The following HSPA12A variants were observed in gnomAD, a reference collection of about 807,000 sequenced individuals.
HSPA12A encodes the protein heat shock protein family A (Hsp70) member 12A, also known as heat shock 70 kDa protein 12A.
HSPA12A carries 28 observed loss-of-function variants against 69.2 expected under a neutral mutation model. That is an observed-to-expected ratio of 0.40 (90% CI 0.30 to 0.55). HSPA12A has a LOEUF of 0.55. Among genes scored for constraint, HSPA12A ranks in the 20% least tolerant of loss-of-function variants. The probability of loss-of-function intolerance (pLI) is 0.38; values close to 1 mark genes in which losing one functional copy is unlikely to be tolerated. For synonymous variants in HSPA12A, 345 were observed against 370.5 expected, an observed-to-expected ratio of 0.93 and a Z score of 0.79; for missense variants, 686 against 900.7, an observed-to-expected ratio of 0.76 and a Z score of 3.05.
At chr10:116,813,795 A>T (rs184981446) in intron 2 of HSPA12A, among the ~76,000 whole-genome samples, 27 of 152,244 alleles carry the variant, frequency 1.8e-4, no homozygotes, top group African/African-American at 6.3e-4. Context: ...GAGGTAAGGG[A>T]ATCACTTGAC....
intron 1 of HSPA12A, among the ~76,000 whole-genome samples, chr10:116,736,088 A>G (rs1554886404): frequency 1.3e-5 from 2 of 152,222 alleles, no homozygotes; most frequent in African/African-American, 4.8e-5. Context: ...GTGACATTTT[A>G]TAGACATTTC....
At chr10:116,789,667 T>C (rs974867055) in intron 2 of HSPA12A, among the ~76,000 whole-genome samples, 3 of 152,162 alleles carry the variant, frequency 2.0e-5, no homozygotes, top group African/African-American at 7.2e-5. Context: ...TTCCTAGGCA[T>C]GGAATTGAGG....
At chr10:116,763,948 G>A (rs563169483) in intron 2 of HSPA12A, among the ~76,000 whole-genome samples, 1 of 152,208 alleles carries the variant, frequency 6.6e-6, no homozygotes, top group South Asian at 2.1e-4. Flanking sequence ...GGCGTTATTG[G>A]GGGGGCGGTC....
At chr10:116,791,469 G>A (rs1050393763) in intron 2 of HSPA12A, among the ~76,000 whole-genome samples, 5 of 152,136 alleles carry the variant, frequency 3.3e-5, no homozygotes, top group African/African-American at 4.8e-5. Context: ...ATATCGCCCC[G>A]TCAGAGTAAA....
chr10:116,738,632 C>T (rs1554886650), intron 1 of HSPA12A, among the ~76,000 whole-genome samples: 1 of 152,074 alleles, frequency 6.6e-6, no homozygotes, highest in Non-Finnish European at 1.5e-5. Context: ...TATCGTAGGG[C>T]CTCAACAAAC....
upstream of HSPA12A, among the ~76,000 whole-genome samples, chr10:116,746,041 C>A (rs572431710): frequency 6.6e-6 from 1 of 152,124 alleles, no homozygotes; most frequent in African/African-American, 2.4e-5. Context: ...CATTTAGAGC[C>A]CCCAGACCCT....
At chr10:116,763,736 T>C (rs1589691614) in intron 2 of HSPA12A, among the ~76,000 whole-genome samples, 2 of 152,308 alleles carry the variant, frequency 1.3e-5, no homozygotes, top group African/African-American at 4.8e-5. Flanking sequence ...GGAGGTTTTT[T>C]TGGGTTACAA....
intron 2 of HSPA12A, among the ~76,000 whole-genome samples, chr10:116,758,521 C>T (rs1488233177): frequency 6.6e-6 from 1 of 152,150 alleles, no homozygotes; most frequent in African/African-American, 2.4e-5. Context: ...TCTTACTGGA[C>T]AGCTCCATGA....
chr10:116,822,126 G>A (rs1409952541), intron 2 of HSPA12A, among the ~76,000 whole-genome samples: 3 of 152,190 alleles, frequency 2.0e-5, no homozygotes, highest in Non-Finnish European at 4.4e-5. Flanking sequence ...CTGAGGACAT[G>A]GGATGTGGAT....
chr10:116,741,441 C>T (rs1851501945), intron 1 of HSPA12A, among the ~76,000 whole-genome samples: 1 of 152,242 alleles, frequency 6.6e-6, no homozygotes, highest in Non-Finnish European at 1.5e-5. Flanking sequence ...GCTTGCCTGT[C>T]GCTCCCGGGA....
rs782434718 is a variant in HSPA12A at position 116,700,934 on chromosome 10, C to T, written c.441+9G>A. ...GGGGGACCTGGGCCCAGGGGAGAGG[C>T]TTGCTCACCCCAGTGGTGTGCAGCT... On this transcript the variant is annotated intron_variant, in intron 4 of 11. Coordinates refer to ENST00000369209, the MANE Select transcript of HSPA12A (RefSeq NM_025015.3). 1.9e-6 allele frequency: 3 copies of T among 1,612,318 alleles called. No homozygotes were observed. The highest frequency in any genetic ancestry group is 2.5e-6 in the Non-Finnish European group (3 of 1,179,284).
In HSPA12A at chr10:116,686,207, C is replaced by T. The variant is rs782786790; in HGVS notation, c.664-2245G>A. Among the ~76,000 whole-genome samples the T allele has an allele frequency of 3.3e-5, 5 of 152,156 alleles. No homozygotes were observed. Among genetic ancestry groups the T allele is most frequent in the Admixed American group, 6.5e-5 (1 of 15,278 alleles). On this transcript the variant is annotated intron_variant, in intron 6 of 11. Coordinates refer to ENST00000369209, the MANE Select transcript of HSPA12A (RefSeq NM_025015.3). The surrounding 1 kb of genome is among the most constrained non-coding windows in gnomAD (Gnocchi z 4.1). ...AGTGAAAGAGGATGTGGCTCTCACA[C>T]GTATGGTGCCCTCGGGAAAGGTGAA... is the stretch of plus-strand genomic sequence containing the variant.
intron 2 of HSPA12A, among the ~76,000 whole-genome samples, chr10:116,787,453 A>C (rs533377372): frequency 2.0e-5 from 3 of 150,266 alleles, no homozygotes; most frequent in South Asian, 2.2e-4. Flanking sequence ...AAAAAAAAAA[A>C]AAAAAAAAAA....
chr10:116,706,278 G>C (rs1329053313), intron 2 of HSPA12A, among the ~76,000 whole-genome samples: 2 of 151,526 alleles, frequency 1.3e-5, no homozygotes. Flanking sequence ...TGTTGGAGGG[G>C]AGGGGTGAGA....
chr10:116,834,441 T>C (rs1469124228), intron 2 of HSPA12A, among the ~76,000 whole-genome samples: 1 of 152,156 alleles, frequency 6.6e-6, no homozygotes, highest in African/African-American at 2.4e-5. Flanking sequence ...TTCTCCAGAA[T>C]TGGAGGGAGG....
intron 1 of HSPA12A, among the ~76,000 whole-genome samples, chr10:116,737,076 G>A (rs1478572894): frequency 6.6e-6 from 1 of 152,150 alleles, no homozygotes. Flanking sequence ...GCCATATGAA[G>A]AAGAGACTGT....
chr10:116,773,980 A>G (rs528657949), intron 2 of HSPA12A, among the ~76,000 whole-genome samples: 1 of 151,192 alleles, frequency 6.6e-6, no homozygotes, highest in Non-Finnish European at 1.5e-5. Context: ...ATTCACTATG[A>G]CATGGGGTGG....
intron 1 of HSPA12A, among the ~76,000 whole-genome samples, chr10:116,730,775 A>G (rs527938656): frequency 1.1e-4 from 16 of 152,256 alleles, no homozygotes; most frequent in Non-Finnish European, 1.2e-4. Context: ...GCTCAAAAAT[A>G]TCTTGGAAAG....
In HSPA12A at chr10:116,676,865, G is replaced by A. The variant is rs371906245; in HGVS notation, c.1287-363C>T. Among the ~76,000 whole-genome samples the A allele has an allele frequency of 1.2e-4, 19 of 152,312 alleles. No homozygotes were observed. The South Asian group carries it at 1.5e-3, about 12-fold the overall frequency. ...TCAAGCACGTTAAAAGCTCCCTGGC[G>A]AGTTTATTGTACTGCTACTTACGGC... On this transcript the variant is annotated intron_variant, in intron 10 of 11. Transcript: ENST00000369209.
Sources: allele counts gnomAD v4.1 joint callset (sites outside exome capture counted in the v4.1 genomes callset), GRCh38; gene constraint gnomAD v4.1.1; non-coding constraint Gnocchi (gnomAD v3.1); transcripts MANE v1.5; gene names NCBI Gene and HGNC (gene_info 2026-07-23, HGNC 2026-07-21).